VASP: variants seen among roughly 807,000 people sequenced by gnomAD.
The protein encoded by VASP is vasodilator stimulated phosphoprotein, also known as vasodilator-stimulated phosphoprotein.
In VASP, 27 loss-of-function variants were observed where a neutral mutation model predicts 54.4. The observed-to-expected ratio is 0.50, with a 90% CI of 0.37 to 0.68. VASP has a LOEUF of 0.68. Among genes scored for constraint, VASP ranks in the 30% least tolerant of loss-of-function variants. VASP has a pLI of 0.00. For missense variants in VASP, 488 were observed against 528.3 expected, an observed-to-expected ratio of 0.92 and a Z score of 0.75; for synonymous variants, 233 against 209.8, an observed-to-expected ratio of 1.11 and a Z score of -0.96.
intron 3 of VASP, among the ~76,000 whole-genome samples, chr19:45,519,775 T>G (rs1442476685): frequency 1.3e-5 from 2 of 151,224 alleles, no homozygotes; most frequent in Admixed American, 6.6e-5. Context: ...TTTTGTATTT[T>G]TAGTAGAGAC....
At chr19:45,509,517 CCCA>C (rs3038808) in intron 1 of VASP, among the ~76,000 whole-genome samples, 106 of 151,092 alleles carry the variant, frequency 7.0e-4, no homozygotes, top group Admixed American at 1.1e-3. Flanking sequence ...CCCTGTCCTC[CCCA>C]CCACCACCAC....
chr19:45,519,262 C>T (rs898813654), intron 3 of VASP, among the ~76,000 whole-genome samples: 1 of 152,158 alleles, frequency 6.6e-6, no homozygotes, highest in Non-Finnish European at 1.5e-5. Flanking sequence ...GATCCGCCCG[C>T]CTAGGCCTCC....
rs1377172860 is a variant in VASP at position 45,518,012 on chromosome 19, G to C, written c.261G>C (p.Gln87His). ...PNFHQWRDAR[Q>H]VWGLNFGSKE... ...TCCATCAGTGGCGCGACGCTCGCCA[G>C]GTCTGGGGCCTCAACTTCGGCAGCA... The change falls in exon 3 of 13, where the codon CAG (glutamine) becomes CAC (histidine). Residue 87 changes from glutamine to histidine, a missense_variant. Physicochemically the swap from Gln to His is conservative, Grantham distance 24. Coordinates refer to ENST00000245932, the MANE Select transcript of VASP (RefSeq NM_003370.4). The C allele has an allele frequency of 6.2e-7, 1 of 1,613,882 alleles. No individual in the cohort carries two copies. The highest frequency in any genetic ancestry group is 8.5e-7 in the Non-Finnish European group (1 of 1,180,004).
chr19:45,508,742 C>T (rs1229231276), intron 1 of VASP, among the ~76,000 whole-genome samples: 1 of 152,188 alleles, frequency 6.6e-6, no homozygotes, highest in Non-Finnish European at 1.5e-5. Context: ...GCTTCAAGGT[C>T]ATAGCCCTCT....
Position 45,524,582 on chromosome 19 carries a change from T to G in VASP, c.969T>G (p.Ser323=), listed in dbSNP as rs906403474. The G allele has an allele frequency of 3.1e-6, 5 of 1,614,028 alleles. No homozygotes were observed. Among genetic ancestry groups the G allele is most frequent in the African/African-American group, 1.3e-5 (1 of 75,004 alleles). The part of the protein sequence containing the change: ...NSTTLPRMKS[S]SSVTTSETQP... ...CCAACTCCCCCAGGATGAAGTCGTC[T>G]TCTTCGGTGACCACTTCCGAGACCC... Residue 323 remains serine, a synonymous_variant, in exon 11 of 13, where the codon TCT becomes TCG. Transcript: ENST00000245932.
rs755790165 is a variant in VASP, at chr19:45,524,688, C to T, written c.1047+28C>T. On this transcript the variant is annotated intron_variant, in intron 11 of 12. Transcript: ENST00000245932. Reference sequence around the variant, plus strand: ...AACTTGGGGGGGAAGTTGGGGACCACAGCAAGAGAGATCTAGGTCTGGCCC... The same window carrying T: ...AACTTGGGGGGGAAGTTGGGGACCATAGCAAGAGAGATCTAGGTCTGGCCC... 16 of 1,605,860 alleles carry T rather than the reference C, an allele frequency of 1.0e-5. No homozygotes were observed. The South Asian group carries it at 1.8e-4, about 18-fold the overall frequency.
chr19:45,518,290 C>T (rs567078460), intron 3 of VASP, among the ~76,000 whole-genome samples, 196 bp downstream of exon 3: 3 of 152,282 alleles, frequency 2.0e-5, no homozygotes, highest in Non-Finnish European at 2.9e-5. Context: ...ACCATTGGCC[C>T]GGCGCCGTGG....
chr19:45,510,659 G>A (rs1255134077), intron 1 of VASP, among the ~76,000 whole-genome samples: 3 of 152,114 alleles, frequency 2.0e-5, no homozygotes, highest in Non-Finnish European at 2.9e-5. Flanking sequence ...AGGGCCAGGC[G>A]CCGGGGCTCA....
intron 1 of VASP, among the ~76,000 whole-genome samples, chr19:45,514,611 G>T (rs953195801): frequency 6.6e-6 from 1 of 152,198 alleles, no homozygotes; most frequent in African/African-American, 2.4e-5. Flanking sequence ...CCCAGCAGGC[G>T]CCCTGTTCTC....
In VASP at chr19:45,507,596, C is replaced by A. The variant is rs1968511034; in HGVS notation, c.-176C>A. 2 of 704,788 alleles carry A rather than the reference C, an allele frequency of 2.8e-6. No individual in the cohort carries two copies. Among genetic ancestry groups the A allele is most frequent in the South Asian group, 2.0e-5 (1 of 49,402 alleles). 43.7% of individuals were successfully genotyped at this position (704,788 alleles called of 1,614,324 possible). ...ATCAGACCGCCTGAGGGAAGCGGCG[C>A]CCGGAGACCCGCCCCGGCCCGGTCC... On this transcript the variant is annotated 5_prime_UTR_variant, in exon 1 of 13. Coordinates refer to ENST00000245932, the MANE Select transcript of VASP (RefSeq NM_003370.4). This position sits in a 1 kb window ranked among gnomAD's most constrained non-coding sequence, Gnocchi z 4.4.
Position 45,523,853 on chromosome 19 carries a change from G to A in VASP, c.886G>A (p.Glu296Lys), listed in dbSNP as rs754277878. ...TATTTCCTACCAGCAGGAGGAGCCAGAGGCCAGAGTCCCGGCCCAGAGTGG... is the reference window on the plus strand; with the variant it reads ...TATTTCCTACCAGCAGGAGGAGCCAAAGGCCAGAGTCCCGGCCCAGAGTGG... ...KDESANQEEP[E>K]ARVPAQSESV... Residue 296 changes from glutamate (E) to lysine (K), a missense_variant, in exon 9 of 13, where the codon GAG (glutamate) becomes AAG (lysine). Glu to Lys is a moderately conservative substitution (Grantham distance 56). Around this residue, in one of 4 missense-constraint regions of VASP, gnomAD observed 126 missense variants for 134.8 expected, o/e 0.94. Coordinates refer to ENST00000245932, the MANE Select transcript of VASP (RefSeq NM_003370.4). The A allele has an allele frequency of 6.2e-7, 1 of 1,614,074 alleles. No homozygotes were observed. Among genetic ancestry groups the A allele is most frequent in the African/African-American group, 1.3e-5 (1 of 75,002 alleles).
chr19:45,513,240 T>A (rs546712182), intron 1 of VASP, among the ~76,000 whole-genome samples: 60 of 151,952 alleles, frequency 3.9e-4, no homozygotes, highest in Non-Finnish European at 2.9e-4. Context: ...GTTTGCCTTT[T>A]TTTGTGAGGG....
chr19:45,526,561 A>T lies in VASP; in HGVS notation c.*384A>T, dbSNP rs28584568. On this transcript the variant is annotated 3_prime_UTR_variant, in exon 13 of 13. Transcript: ENST00000245932. ...AGTTTTGGTTTTTTTAAGAAAAAAA[A>T]ATATATATATATTTGGGTTTTGGGG... 5,227 of 159,506 alleles carry T rather than the reference A, an allele frequency of 0.033. 105 individuals carry two copies. The highest frequency in any genetic ancestry group is 0.039 in the Non-Finnish European group (2,859 of 72,788). The allele number at this position is 159,506 out of a possible 1,614,324, so 9.9% of individuals were successfully genotyped here. A position where few individuals can be genotyped will look rare whatever the true frequency, so the allele number is the denominator to read the frequency against.
rs1188022307 is a variant in VASP at position 45,526,030 on chromosome 19, C to T, written c.1105+27C>T. The stretch of plus-strand genomic sequence containing the variant: ...TGAGGTGGTTTGCTTTGGTTTTGTT[C>T]TTAAACATTTACTTATTTTGGAGGC... On this transcript the variant is annotated intron_variant, in intron 12 of 12. Coordinates refer to ENST00000245932, the MANE Select transcript of VASP (RefSeq NM_003370.4). 4.3e-6 allele frequency: 7 copies of T among 1,613,124 alleles called. No individual in the cohort carries two copies. In the Admixed American group the frequency reaches 6.7e-5, roughly 15 times the overall value.
Position 45,523,692 on chromosome 19 carries a change from C to T in VASP, c.870C>T (p.Ala290=). 1 of 1,613,974 alleles carries T rather than the reference C, an allele frequency of 6.2e-7. No homozygotes were observed. The highest frequency in any genetic ancestry group is 2.2e-5 in the East Asian group (1 of 44,862). Residue 290 remains alanine (A), a synonymous_variant, in exon 8 of 13, where the codon GCC becomes GCT. Coordinates refer to ENST00000245932, the MANE Select transcript of VASP (RefSeq NM_003370.4). The stretch of plus-strand genomic sequence containing the variant: ...AGAAAACCCCCAAGGATGAATCTGC[C>T]AATGTAAGTCAGGGACTCTTCTTGC... ...VGEKTPKDES[A]NQEEPEARVP...
Position 45,522,470 on chromosome 19 carries a change from A to T in VASP, c.609A>T (p.Gly203=). The change falls in exon 6 of 13, where the codon GGA becomes GGT. Residue 203 remains glycine, a synonymous_variant. Coordinates refer to ENST00000245932, the MANE Select transcript of VASP (RefSeq NM_003370.4). ...CTGCAGCGCACGGAGCAGGGGGAGG[A>T]CCACCCCCTGCACCCCCTCTCCCGG... ...VPAAAHGAGG[G]PPPAPPLPAA... 6.8e-7 allele frequency: 1 copy of T among 1,474,734 alleles called. No homozygotes were observed. The highest frequency in any genetic ancestry group is 9.0e-7 in the Non-Finnish European group (1 of 1,114,498). 91.4% of individuals were successfully genotyped at this position (1,474,734 alleles called of 1,614,324 possible).
chr19:45,516,564 C>T (rs1318537233), intron 1 of VASP, among the ~76,000 whole-genome samples: 1 of 152,222 alleles, frequency 6.6e-6, no homozygotes, highest in Non-Finnish European at 1.5e-5. Flanking sequence ...TCTGTCTTCC[C>T]TCCTGCCCTC....
In VASP at chr19:45,517,957, G is replaced by A. The variant is rs1361019356; in HGVS notation, c.206G>A (p.Gly69Asp). 6.2e-7 allele frequency: 1 copy of A among 1,613,874 alleles called. No individual in the cohort carries two copies. Among genetic ancestry groups the A allele is most frequent in the Non-Finnish European group, 8.5e-7 (1 of 1,179,940 alleles). Reference sequence around the variant, plus strand: ...GTCATCAACTGTGCCATCGTCCGGGGTGTCAAGTATAACCAGGCCACCCCC... The same window carrying A: ...GTCATCAACTGTGCCATCGTCCGGGATGTCAAGTATAACCAGGCCACCCCC... ...QVVINCAIVR[G>D]VKYNQATPNF... Residue 69 changes from glycine (G) to aspartate (D), a missense_variant, in exon 3 of 13, where the codon GGT (glycine) becomes GAT (aspartate). By Grantham distance (94) the Gly-to-Asp change is moderately conservative. Around this residue, in one of 4 missense-constraint regions of VASP, gnomAD observed 127 missense variants for 170.7 expected, o/e 0.74. Coordinates refer to ENST00000245932, the MANE Select transcript of VASP (RefSeq NM_003370.4).
intron 3 of VASP, 94 bp from the exon 4 acceptor site, chr19:45,521,228 A>C: frequency 7.8e-7 from 1 of 1,275,254 alleles, no homozygotes; most frequent in Non-Finnish European, 1.1e-6. Context: ...GCCTCTGGGC[A>C]GGATTCCTGG....
Sources: gnomAD v4.1 joint callset for allele counts (sites outside exome capture counted in the v4.1 genomes callset) on GRCh38, gnomAD v4.1.1 for gene constraint, gnomAD v4.1.1 regional missense constraint, Gnocchi (gnomAD v3.1) non-coding constraint, MANE v1.5 for transcripts, NCBI Gene and HGNC (gene_info 2026-07-23, HGNC 2026-07-21) for gene names.